LOC122539214: variants seen among roughly 807,000 people sequenced by gnomAD.
chr19:52,655,621 C>T, the LOC122539214 span: 9 of 1,487,206 alleles, frequency 6.1e-6, no homozygotes, highest in South Asian at 1.0e-4. Context: ...GCCCTCTGTG[C>T]AGGGTTCAGG....
At chr19:52,665,978 G>A in the LOC122539214 span, among the ~76,000 whole-genome samples, 1 of 149,666 alleles carries the variant, frequency 6.7e-6, no homozygotes, top group African/African-American at 2.5e-5. Flanking sequence ...GGCTAACAGT[G>A]AAACCCCGTC....
chr19:52,685,248 C>T, the LOC122539214 span, among the ~76,000 whole-genome samples: 4 of 152,102 alleles, frequency 2.6e-5, no homozygotes, highest in African/African-American at 4.8e-5. Flanking sequence ...GTTGCAGGGA[C>T]GCTCACTGGG....
the LOC122539214 span, among the ~76,000 whole-genome samples, chr19:52,675,420 G>A: frequency 0.31 from 46,487 of 151,904 alleles, 7,568 homozygotes; most frequent in African/African-American, 0.4. Flanking sequence ...GGATACAAGG[G>A]CTGAGCTGGG....
the LOC122539214 span, among the ~76,000 whole-genome samples, chr19:52,688,464 G>T: frequency 1.3e-5 from 2 of 151,566 alleles, no homozygotes; most frequent in African/African-American, 4.9e-5. Context: ...ATGAACCACT[G>T]TACCCAGCCT....
chr19:52,664,188 T>A, the LOC122539214 span, among the ~76,000 whole-genome samples: 1 of 148,868 alleles, frequency 6.7e-6, no homozygotes, highest in Admixed American at 6.7e-5. Flanking sequence ...AGGCCTATTT[T>A]TTTTTTTTTT....
chr19:52,675,511 A>G, the LOC122539214 span, among the ~76,000 whole-genome samples: 1 of 152,104 alleles, frequency 6.6e-6, no homozygotes, highest in Non-Finnish European at 1.5e-5. Context: ...CATACCCTGC[A>G]CACACTGATT....
chr19:52,677,235 G>C, the LOC122539214 span, among the ~76,000 whole-genome samples: 5 of 150,690 alleles, frequency 3.3e-5, no homozygotes. Flanking sequence ...CACAAAGCAT[G>C]AGTGAGACTG....
chr19:52,676,709 G>A, the LOC122539214 span, among the ~76,000 whole-genome samples: 3 of 137,894 alleles, frequency 2.2e-5, no homozygotes, highest in Admixed American at 1.4e-4. Context: ...GGAAAAGATT[G>A]AGAAATCGGA....
the LOC122539214 span, among the ~76,000 whole-genome samples, chr19:52,673,479 C>A: frequency 6.6e-6 from 1 of 151,292 alleles, no homozygotes; most frequent in Non-Finnish European, 1.5e-5. Context: ...CTCCAGGGTA[C>A]ACAAGAAGAG....
the LOC122539214 span, chr19:52,651,610 G>A: frequency 1.3e-5 from 2 of 150,450 alleles, no homozygotes; most frequent in African/African-American, 4.9e-5. Flanking sequence ...TTGAATGCAG[G>A]AGGTGGAGGT....
At chr19:52,654,238 T>C in the LOC122539214 span, 1 of 1,577,604 alleles carries the variant, frequency 6.3e-7, no homozygotes, top group Non-Finnish European at 8.7e-7. Context: ...TCTTTTAATT[T>C]CTTGCCACTG....
chr19:52,656,300 T>A, the LOC122539214 span, among the ~76,000 whole-genome samples: 3 of 151,848 alleles, frequency 2.0e-5, no homozygotes, highest in Admixed American at 2.0e-4. Context: ...GGTAGGTGGA[T>A]CACTTAAGGT....
the LOC122539214 span, among the ~76,000 whole-genome samples, chr19:52,676,987 T>C: frequency 6.9e-6 from 1 of 145,166 alleles, no homozygotes; most frequent in Non-Finnish European, 1.5e-5. Context: ...ACACAAACAC[T>C]GCGGAAGGCC....
chr19:52,656,638 C>T, the LOC122539214 span, among the ~76,000 whole-genome samples: 4 of 152,098 alleles, frequency 2.6e-5, no homozygotes, highest in Non-Finnish European at 1.5e-5. Context: ...GAGGCTGAGG[C>T]ATGTGGATCA....
chr19:52,688,995 C>T, the LOC122539214 span, among the ~76,000 whole-genome samples: 5 of 146,812 alleles, frequency 3.4e-5, no homozygotes, highest in Non-Finnish European at 6.0e-5. Context: ...TTTACTGTTA[C>T]TCTTTTTCCA....
chr19:52,687,612 A>ATG, the LOC122539214 span, among the ~76,000 whole-genome samples: 3 of 14,356 alleles, frequency 2.1e-4, 1 homozygote. Flanking sequence ...TATATATATA[A>ATG]TGTGTATATA....
At chr19:52,682,123 G>A in the LOC122539214 span, among the ~76,000 whole-genome samples, 4 of 151,918 alleles carry the variant, frequency 2.6e-5, no homozygotes, top group African/African-American at 4.8e-5. Context: ...TGGGATTACG[G>A]GCATGAGCCA....
the LOC122539214 span, among the ~76,000 whole-genome samples, chr19:52,688,923 C>T: frequency 1.4e-5 from 2 of 144,944 alleles, no homozygotes; most frequent in African/African-American, 5.1e-5. Flanking sequence ...GCTCCAGACA[C>T]CCCCACCTTC....
the LOC122539214 span, among the ~76,000 whole-genome samples, chr19:52,666,607 C>T: frequency 2.9e-5 from 3 of 104,612 alleles, no homozygotes; most frequent in South Asian, 9.9e-4. Flanking sequence ...CAAGGAAGAA[C>T]TATCCTAAGT....
Sources: allele counts gnomAD v4.1 joint callset (sites outside exome capture counted in the v4.1 genomes callset), GRCh38; gene constraint gnomAD v4.1.1; transcripts MANE v1.5.